The following PNISR variants were observed in gnomAD, a reference collection of about 807,000 sequenced individuals.
PNISR encodes the protein arginine/serine-rich protein PNISR.
In PNISR, 20 loss-of-function variants were observed where a neutral mutation model predicts 93.4. The observed-to-expected ratio is 0.21, with a 90% confidence interval of 0.15 to 0.31. PNISR has a LOEUF of 0.31. PNISR is among the 10% of genes least tolerant of loss of function. PNISR has a pLI of 1.00. For synonymous variants in PNISR, 305 were observed against 306.5 expected (o/e 0.99, Z 0.05); for missense variants, 893 against 985.4 (o/e 0.91, Z 1.25).
At position 99,419,152 on chromosome 6, in the gene PNISR, C is replaced by CAAAAAAAAAAAAAAA. The variant is rs1166838873; in HGVS notation, c.-111-2739_-111-2725dup. Among the ~76,000 whole-genome samples the CAAAAAAAAAAAAAAA allele has an allele frequency of 1.3e-3, 25 of 19,822 alleles. 8 individuals are homozygous for CAAAAAAAAAAAAAAA. The highest frequency in any genetic ancestry group is 2.1e-3 in the Non-Finnish European group (22 of 10,404). The allele number at this position is 19,822 out of a possible 152,430, so 13.0% of individuals were successfully genotyped here. Reference sequence around the variant, plus strand: ...TGGGTGCCAGAGCGAGACTCCGTCTCAAAAAAAAAAAAAAAAAAAAAAAAA... The same window carrying CAAAAAAAAAAAAAAA: ...TGGGTGCCAGAGCGAGACTCCGTCTCAAAAAAAAAAAAAAAAAAAAAAAAAAAAAAAAAAAAAAAA... On this transcript the variant is annotated intron_variant, in intron 1 of 11. Transcript: ENST00000369239.
rs774724520 is a variant in PNISR at position 99,399,535 on chromosome 6, G to C, written c.*1005C>G. 11 of 152,096 alleles carry C rather than the reference G, an allele frequency of 7.2e-5. No homozygotes were observed. The highest frequency in any genetic ancestry group is 1.5e-4 in the Non-Finnish European group (10 of 67,982). 9.4% of individuals were successfully genotyped at this position (152,096 alleles called of 1,614,324 possible). On this transcript the variant is annotated 3_prime_UTR_variant, in exon 12 of 12. Coordinates refer to ENST00000369239, the MANE Select transcript of PNISR (RefSeq NM_032870.4). ...AAATGCTTCTAAAACAGAAGTGGGT[G>C]ACTGTAGAATATAGTTCCAGACTTG...
At chr6:99,414,214 GAT>G (rs1777362275) in intron 3 of PNISR, among the ~76,000 whole-genome samples, 1 of 152,170 alleles carries the variant, frequency 6.6e-6, no homozygotes, top group African/African-American at 2.4e-5. Flanking sequence ...ATTTTAAAAT[GAT>G]ATAGCACACC....
Position 99,409,360 on chromosome 6 carries a change from A to G in PNISR, c.502-16T>C, listed in dbSNP as rs763336452. 2 of 1,610,682 alleles carry G rather than the reference A, an allele frequency of 1.2e-6. No individual in the cohort carries two copies. Among genetic ancestry groups the G allele is most frequent in the Non-Finnish European group, 1.7e-6 (2 of 1,178,728 alleles). Reference sequence around the variant, plus strand: ...CAGCCCCATGCTGAAAGAGTATTGCAGTTTATTTTTTCTTCAAATTAATAC... The same window carrying G: ...CAGCCCCATGCTGAAAGAGTATTGCGGTTTATTTTTTCTTCAAATTAATAC... On this transcript the variant is annotated splice_polypyrimidine_tract_variant and intron_variant, in intron 5 of 11. Transcript: ENST00000369239.
chr6:99,405,941 C>G, intron 8 of PNISR, 90 bp downstream of exon 8: 1 of 779,910 alleles, frequency 1.3e-6, no homozygotes, highest in Non-Finnish European at 2.1e-6. Context: ...GTCAGCAGTT[C>G]TAGTTTCTGT....
chr6:99,414,503 CCAT>C, intron 3 of PNISR, 66 bp downstream of exon 3: 2 of 770,270 alleles, frequency 2.6e-6, no homozygotes, highest in Non-Finnish European at 4.6e-6. Context: ...TCCCTTAATC[CCAT>C]CATGTGTCTT....
chr6:99,404,251 GATA>G (rs1174763565), intron 9 of PNISR: 1 of 364,296 alleles, frequency 2.7e-6, no homozygotes, highest in Non-Finnish European at 5.0e-6. Context: ...ATTGTAGGTA[GATA>G]ATTCAAAATT....
chr6:99,420,547 A>G (rs1181510092), intron 1 of PNISR, among the ~76,000 whole-genome samples: 22 of 152,236 alleles, frequency 1.4e-4, no homozygotes, highest in Admixed American at 1.4e-3. Flanking sequence ...TCTTCACCAT[A>G]GTATCTTCAC....
chr6:99,406,399 T>C (rs1027021820), intron 7 of PNISR, among the ~76,000 whole-genome samples: 3 of 152,224 alleles, frequency 2.0e-5, no homozygotes, highest in Non-Finnish European at 4.4e-5. Flanking sequence ...GTTTTTTCAA[T>C]TTTACTTTTC....
At position 99,401,126 on chromosome 6, in the gene PNISR, C is replaced by T. The variant is rs1023481549; in HGVS notation, c.1832G>A (p.Ser611Asn). ...SIERERRRNR[S>N]PSRERRRSRS... is the part of the protein sequence containing the mutation. ...ACTTCTACGTCTCTCTCGGGAAGGACTCCGATTTCGTCGTCTTTCTCTTTC... is the reference window on the plus strand; with the variant it reads ...ACTTCTACGTCTCTCTCGGGAAGGATTCCGATTTCGTCGTCTTTCTCTTTC... Residue 611 changes from serine to asparagine, a missense_variant, in exon 12 of 12, where the codon AGT becomes AAT. Transcript: ENST00000369239. The T allele has an allele frequency of 1.9e-6, 3 of 1,614,008 alleles. No homozygotes were observed. Among genetic ancestry groups the T allele is most frequent in the Non-Finnish European group, 2.5e-6 (3 of 1,180,016 alleles).
At position 99,408,140 on chromosome 6, in the gene PNISR, T is replaced by C; in HGVS notation, c.805A>G (p.Lys269Glu). 1 of 1,612,664 alleles carries C rather than the reference T, an allele frequency of 6.2e-7. No individual in the cohort carries two copies. Among genetic ancestry groups the C allele is most frequent in the East Asian group, 2.2e-5 (1 of 44,888 alleles). The change falls in exon 7 of 12, where the codon AAG (lysine) becomes GAG (glutamate). Residue 269 changes from lysine (K) to glutamate (E), a missense_variant. Physicochemically the swap from Lys to Glu is moderately conservative, Grantham distance 56 (BLOSUM62 1). Transcript: ENST00000369239. Reference sequence around the variant, plus strand: ...CCTCCTTCAGCATCTTCTGTGGCCTTTTTTTCTTTTTTGGACAATTGTGAA... The same window carrying C: ...CCTCCTTCAGCATCTTCTGTGGCCTCTTTTTCTTTTTTGGACAATTGTGAA... ...QRSQLSKKEK[K>E]ATEDAEGGDG...
chr6:99,407,614 A>G (rs1294512655), intron 7 of PNISR, among the ~76,000 whole-genome samples: 1 of 152,202 alleles, frequency 6.6e-6, no homozygotes, highest in Admixed American at 6.5e-5. Flanking sequence ...GCTGAATAAA[A>G]AAGTTCCTAA....
In PNISR at chr6:99,409,348, A is replaced by G. The variant is rs202066035; in HGVS notation, c.502-4T>C. ...GTGGACCAAAAGCAGCCCCATGCTG[A>G]AAGAGTATTGCAGTTTATTTTTTCT... On this transcript the variant is annotated splice_region_variant and splice_polypyrimidine_tract_variant and intron_variant, in intron 5 of 11. Coordinates refer to ENST00000369239, the MANE Select transcript of PNISR (RefSeq NM_032870.4). 6.2e-7 allele frequency: 1 copy of G among 1,613,060 alleles called. No individual in the cohort carries two copies. Among genetic ancestry groups the G allele is most frequent in the Non-Finnish European group, 8.5e-7 (1 of 1,179,666 alleles).
In PNISR at chr6:99,412,745, G is replaced by A. The variant is rs781769365; in HGVS notation, c.89-6C>T. 4 of 1,545,876 alleles carry A rather than the reference G, an allele frequency of 2.6e-6. No homozygotes were observed. The highest frequency in any genetic ancestry group is 3.5e-6 in the Non-Finnish European group (4 of 1,149,528). ...TGCAGCCCAATCAATCTGGCCTAAC[G>A]TAAATTAACACTGACTTCAGCATTC... On this transcript the variant is annotated splice_region_variant and splice_polypyrimidine_tract_variant and intron_variant, in intron 3 of 11. Coordinates refer to ENST00000369239, the MANE Select transcript of PNISR (RefSeq NM_032870.4).
chr6:99,404,191 T>C (rs894543641), intron 9 of PNISR: 2 of 385,308 alleles, frequency 5.2e-6, no homozygotes, highest in African/African-American at 4.2e-5. Context: ...ACTAAAAATC[T>C]AGGGGTAGGA....
intron 2 of PNISR, 21 bp downstream of exon 2, chr6:99,416,328 C>A: frequency 1.2e-6 from 1 of 818,722 alleles, no homozygotes. Context: ...AGAAGACACA[C>A]CAACTGCTAT....
intron 1 of PNISR, among the ~76,000 whole-genome samples, chr6:99,420,747 G>T (rs2128496072): frequency 6.6e-6 from 1 of 152,262 alleles, no homozygotes; most frequent in Middle Eastern, 3.4e-3. Flanking sequence ...ATTTAAGGAT[G>T]GGCATTTGCT....
rs1777437507 is a variant in PNISR at position 99,414,732 on chromosome 6, T to C, written c.-31-42A>G. ...ATAGTTTAAAAATTATAGTGAGTTA[T>C]TTAATCTTAAAACCTCACATCAGAA... On this transcript the variant is annotated intron_variant, in intron 2 of 11. Transcript: ENST00000369239. 1.4e-5 allele frequency: 12 copies of C among 858,916 alleles called. No homozygotes were observed. In the South Asian group the frequency reaches 2.0e-4, roughly 14 times the overall value. 53.2% of individuals were successfully genotyped at this position (858,916 alleles called of 1,614,324 possible).
At position 99,402,793 on chromosome 6, in the gene PNISR, A is replaced by G. The variant is rs1485213543; in HGVS notation, c.1157-83T>C. 4 of 1,043,706 alleles carry G rather than the reference A, an allele frequency of 3.8e-6. No homozygotes were observed. In the Admixed American group the frequency reaches 7.4e-5, roughly 19 times the overall value. 64.7% of individuals were successfully genotyped at this position (1,043,706 alleles called of 1,614,324 possible). A position where few individuals can be genotyped will look rare whatever the true frequency, so the allele number is the denominator to read the frequency against. Reference sequence around the variant, plus strand: ...TTTTCAAGGTCTGAGAAGAAAGTTCATTTCTTTTTTCATTGCCTTTTCCCA... The same window carrying G: ...TTTTCAAGGTCTGAGAAGAAAGTTCGTTTCTTTTTTCATTGCCTTTTCCCA... On this transcript the variant is annotated intron_variant, in intron 10 of 11. Coordinates refer to ENST00000369239, the MANE Select transcript of PNISR (RefSeq NM_032870.4).
intron 1 of PNISR, among the ~76,000 whole-genome samples, chr6:99,419,777 C>T (rs930810935): frequency 1.3e-5 from 2 of 151,874 alleles, no homozygotes; most frequent in Non-Finnish European, 2.9e-5. Flanking sequence ...TAAAAGAATA[C>T]AGAAAAATAT....
Sources: allele counts gnomAD v4.1 joint callset (sites outside exome capture counted in the v4.1 genomes callset), GRCh38; gene constraint gnomAD v4.1.1; transcripts MANE v1.5; gene names NCBI Gene and HGNC (gene_info 2026-07-23, HGNC 2026-07-21).